The following YARS1 variants were observed in gnomAD, a reference collection of about 807,000 sequenced individuals.
The protein encoded by YARS1 is tyrosine--tRNA ligase, cytoplasmic.
YARS1 carries 36 observed loss-of-function variants against 62.2 expected under a neutral mutation model. The ratio of observed to expected loss-of-function variants is 0.58; its 90% CI spans 0.44 to 0.76. The LOEUF (loss-of-function observed/expected upper bound fraction) is 0.76, where lower values mean the gene tolerates loss of function less well. YARS1 is among the 30% of genes least tolerant of loss of function. The pLI is 0.00. For synonymous variants in YARS1, 234 were observed against 244.9 expected, an observed-to-expected ratio of 0.96 and a Z score of 0.42; for missense variants, 524 against 639.8, an observed-to-expected ratio of 0.82 and a Z score of 1.95.
chr1:32,786,550 C>T (rs942093517), intron 7 of YARS1, 103 bp from the exon 8 acceptor site: 84 of 1,119,904 alleles, frequency 7.5e-5, no homozygotes, highest in Non-Finnish European at 1.1e-4. Context: ...TAGTTTTTGC[C>T]ATATATTCTG....
At chr1:32,816,002 G>A (rs1350535385) in intron 1 of YARS1, among the ~76,000 whole-genome samples, 1 of 151,680 alleles carries the variant, frequency 6.6e-6, no homozygotes, top group African/African-American at 2.4e-5. Flanking sequence ...CCAGCTACTC[G>A]GGAGGCTGAG....
intron 1 of YARS1, among the ~76,000 whole-genome samples, chr1:32,814,771 C>T (rs1000630467): frequency 6.6e-6 from 1 of 152,214 alleles, no homozygotes; most frequent in African/African-American, 2.4e-5. Flanking sequence ...TTCCTTTTTA[C>T]AAACCTTTAA....
In YARS1 at chr1:32,791,152, G is replaced by A. The variant is rs769981139; in HGVS notation, c.684+10C>T. The A allele has an allele frequency of 6.2e-6, 10 of 1,612,060 alleles. 1 individual carries two copies. The Admixed American group carries it at 1.0e-4, about 16-fold the overall frequency. ...AGATTTCTAAATTCAAGTCTCAGCTGGCAACTTACCTCTTCTGAAGAGCTC... is the reference window on the plus strand; with the variant it reads ...AGATTTCTAAATTCAAGTCTCAGCTAGCAACTTACCTCTTCTGAAGAGCTC... On this transcript the variant is annotated intron_variant, in intron 6 of 12. Coordinates refer to ENST00000373477, the MANE Select transcript of YARS1 (RefSeq NM_003680.4).
chr1:32,796,535 T>C (rs908183935), intron 5 of YARS1, among the ~76,000 whole-genome samples: 4 of 151,750 alleles, frequency 2.6e-5, no homozygotes, highest in African/African-American at 9.7e-5. Context: ...GCTAATTTTT[T>C]ATTTTATTGT....
intron 5 of YARS1, among the ~76,000 whole-genome samples, chr1:32,794,028 G>C (rs755034487): frequency 6.6e-6 from 1 of 152,188 alleles, no homozygotes; most frequent in African/African-American, 2.4e-5. Context: ...GGGGAAGTAG[G>C]GGTAGATATA....
rs932558306 is a variant in YARS1 at position 32,779,503 on chromosome 1, A to G, written c.1355T>C (p.Val452Ala). ...CASIEGINRQ[V>A]EPLDPPAGSA... ...GCCTGCCGGAGGGTCCAGAGGTTCA[A>G]CCTGGCGGTTTATCCCTTCTCTGGG... Residue 452 changes from valine to alanine, a missense_variant, in exon 12 of 13, where the codon GTT becomes GCT. Transcript: ENST00000373477. The G allele has an allele frequency of 6.2e-7, 1 of 1,614,102 alleles. No individual in the cohort carries two copies. The highest frequency in any genetic ancestry group is 1.3e-5 in the African/African-American group (1 of 74,936).
chr1:32,800,368 G>A (rs1638249099), intron 4 of YARS1, among the ~76,000 whole-genome samples: 1 of 152,048 alleles, frequency 6.6e-6, no homozygotes, highest in South Asian at 2.1e-4. Flanking sequence ...GGCTAGACGT[G>A]TTGGCTTACG....
In YARS1 at chr1:32,776,152, C is replaced by A. The variant is rs1652852153; in HGVS notation, c.1477-61G>T. 7.0e-7 allele frequency: 1 copy of A among 1,420,470 alleles called. No individual in the cohort carries two copies. The highest frequency in any genetic ancestry group is 9.8e-7 in the Non-Finnish European group (1 of 1,019,314). The allele number at this position is 1,420,470 out of a possible 1,614,324, so 88.0% of individuals were successfully genotyped here. On this transcript the variant is annotated intron_variant, in intron 12 of 12. Coordinates refer to ENST00000373477, the MANE Select transcript of YARS1 (RefSeq NM_003680.4). This position sits in a 1 kb window ranked among gnomAD's most constrained non-coding sequence, Gnocchi z 4.0. ...TGGTGGGACTGCAAGAAAACCCCCC[C>A]TTTTTTGGAGGGGGGGCAGAGTTTT...
chr1:32,791,310 G>A, intron 5 of YARS1, 56 bp from the exon 6 acceptor site: 1 of 1,413,638 alleles, frequency 7.1e-7, no homozygotes, highest in Non-Finnish European at 1.0e-6. Flanking sequence ...CCTCCTCAGT[G>A]CCCTGATCTC....
At chr1:32,780,889 G>T (rs148366372) in intron 10 of YARS1, among the ~76,000 whole-genome samples, 159 bp downstream of exon 10, 1 of 152,194 alleles carries the variant, frequency 6.6e-6, no homozygotes, top group African/African-American at 2.4e-5. Context: ...GGCAACAATC[G>T]CAACAGAAAG....
In YARS1 at chr1:32,797,792, G is replaced by A; in HGVS notation, c.562C>T (p.Gln188Ter). The stretch of plus-strand genomic sequence containing the variant: ...TCTGCAAAGGTGAAAATCTTTCTCT[G>A]ATCAATGCCTCCAAATTGGGCATCT... ...KVDAQFGGID[Q>*]RKIFTFAEKY... The change falls in exon 5 of 13, where the codon CAG (glutamine) becomes TAG (stop). Residue 188 changes from glutamine (Q) to a stop codon, truncating the protein, a stop_gained. Coordinates refer to ENST00000373477, the MANE Select transcript of YARS1 (RefSeq NM_003680.4). LOFTEE classifies it high-confidence loss of function. 1 of 1,614,158 alleles carries A rather than the reference G, an allele frequency of 6.2e-7. No individual in the cohort carries two copies. The highest frequency in any genetic ancestry group is 8.5e-7 in the Non-Finnish European group (1 of 1,180,028).
intron 1 of YARS1, 157 bp downstream of exon 1, chr1:32,817,031 G>T: frequency 1.1e-6 from 1 of 926,306 alleles, no homozygotes; most frequent in Non-Finnish European, 1.7e-6. Context: ...CTGCTTGATT[G>T]ACTGACCGAC....
chr1:32,810,607 C>G lies in YARS1; in HGVS notation c.364G>C (p.Asp122His). ...AGCACTTACTTGCTGAGCTGGTAATCAGTGCCTTTGATGAACTTGAGCTTC... is the reference window on the plus strand; with the variant it reads ...AGCACTTACTTGCTGAGCTGGTAATGAGTGCCTTTGATGAACTTGAGCTTC... ...LEKLKFIKGT[D>H]YQLSKEYTLD... Residue 122 changes from aspartate to histidine, a missense_variant, in exon 3 of 13, where the codon GAT becomes CAT. By Grantham distance (81) the Asp-to-His change is moderately conservative. Transcript: ENST00000373477. 6.2e-7 allele frequency: 1 copy of G among 1,613,050 alleles called. No individual in the cohort carries two copies. Among genetic ancestry groups the G allele is most frequent in the Non-Finnish European group, 8.5e-7 (1 of 1,180,034 alleles).
rs750131866 is a variant in YARS1 at position 32,790,181 on chromosome 1, C to CTTT, written c.684+978_684+980dup. On this transcript the variant is annotated intron_variant, in intron 6 of 12. Transcript: ENST00000373477. The stretch of plus-strand genomic sequence containing the variant: ...TACAGGCGTGAGCCACCACGCAGGC[C>CTTT]TTTTTTTTTTTTTTTTTTTTTAATT... Among the ~76,000 whole-genome samples the CTTT allele has an allele frequency of 2.6e-5, 3 of 115,414 alleles. No individual in the cohort carries two copies. In the Admixed American group the frequency reaches 2.7e-4, roughly 10 times the overall value. The allele number at this position is 115,414 out of a possible 152,430, so 75.7% of individuals were successfully genotyped here.
intron 5 of YARS1, among the ~76,000 whole-genome samples, chr1:32,797,177 G>A (rs1053439112): frequency 6.7e-6 from 1 of 150,048 alleles, no homozygotes; most frequent in Non-Finnish European, 1.5e-5. Context: ...TTTGAGACCT[G>A]CCTGGGCAAC....
Position 32,811,210 on chromosome 1 carries a change from C to A in YARS1, c.58-153G>T, listed in dbSNP as rs375479446. 305 of 1,149,484 alleles carry A rather than the reference C, an allele frequency of 2.7e-4. 1 individual carries two copies. In the African/African-American group the frequency reaches 4.4e-3, roughly 17 times the overall value. The allele number at this position is 1,149,484 out of a possible 1,614,324, so 71.2% of individuals were successfully genotyped here. Reference sequence around the variant, plus strand: ...CCATGTTCTCAGTGCAGATGTGATACCCTACCTTGTTTTAATCTGAATTGA... The same window carrying A: ...CCATGTTCTCAGTGCAGATGTGATAACCTACCTTGTTTTAATCTGAATTGA... On this transcript the variant is annotated intron_variant, in intron 1 of 12. Transcript: ENST00000373477.
chr1:32,787,014 A>T lies in YARS1; in HGVS notation c.746T>A (p.Phe249Tyr). The T allele has an allele frequency of 6.2e-7, 1 of 1,614,196 alleles. No individual in the cohort carries two copies. The highest frequency in any genetic ancestry group is 8.5e-7 in the Non-Finnish European group (1 of 1,180,042). ...EDVKKKLKKAFCEPGNVENNG... is the reference protein window; with the variant it reads ...EDVKKKLKKAYCEPGNVENNG... ...GTTCTCCACATTTCCTGGCTCACAGAAGGCCTTCTTCAGTTTTTTCTTCAC... is the reference window on the plus strand; with the variant it reads ...GTTCTCCACATTTCCTGGCTCACAGTAGGCCTTCTTCAGTTTTTTCTTCAC... Residue 249 changes from phenylalanine (F) to tyrosine (Y), a missense_variant, in exon 7 of 13, where the codon TTC (phenylalanine) becomes TAC (tyrosine). By Grantham distance (22) the Phe-to-Tyr change is conservative (BLOSUM62 3). Coordinates refer to ENST00000373477, the MANE Select transcript of YARS1 (RefSeq NM_003680.4).
intron 8 of YARS1, among the ~76,000 whole-genome samples, chr1:32,784,656 A>G (rs183465622): frequency 6.6e-6 from 1 of 152,156 alleles, no homozygotes; most frequent in Admixed American, 6.5e-5. Flanking sequence ...TTCCTCCTAT[A>G]TTATTTCTGG....
chr1:32,785,494 T>TG (rs1436664627), intron 8 of YARS1, among the ~76,000 whole-genome samples: 1 of 151,622 alleles, frequency 6.6e-6, no homozygotes, highest in Non-Finnish European at 1.5e-5. Flanking sequence ...CACAGAGCCC[T>TG]GTAGCATATA....
Sources: gnomAD v4.1 joint callset for allele counts (sites outside exome capture counted in the v4.1 genomes callset) on GRCh38, gnomAD v4.1.1 for gene constraint, Gnocchi (gnomAD v3.1) non-coding constraint, MANE v1.5 for transcripts, NCBI Gene and HGNC (gene_info 2026-07-23, HGNC 2026-07-21) for gene names.